Variants in TNR observed in about 807,000 individuals in gnomAD.
TNR encodes the protein tenascin R.
TNR carries 45 observed loss-of-function variants against 150.4 expected under a neutral mutation model. That is an observed-to-expected ratio of 0.30 (90% CI 0.24 to 0.38). TNR has a LOEUF of 0.38. TNR is among the 10% of genes least tolerant of loss of function. TNR has a pLI of 1.00. For missense variants in TNR, 1,544 were observed against 1,759.1 expected (o/e 0.88, Z 2.19); for synonymous variants, 687 against 678.4 (o/e 1.01, Z -0.20).
At chr1:175,539,884 A>C (rs1660435614) in intron 1 of TNR, among the ~76,000 whole-genome samples, 1 of 152,194 alleles carries the variant, frequency 6.6e-6, no homozygotes. Context: ...AACTAGTCTC[A>C]TAAGTTATTG....
At chr1:175,650,678 C>G in intron 1 of TNR, among the ~76,000 whole-genome samples, 1 of 149,022 alleles carries the variant, frequency 6.7e-6, no homozygotes, top group East Asian at 2.0e-4. Context: ...CTGCCTCCAC[C>G]TTATTACTAC....
At chr1:175,655,223 G>GT (rs1237627596) in intron 1 of TNR, among the ~76,000 whole-genome samples, 1 of 152,162 alleles carries the variant, frequency 6.6e-6, no homozygotes, top group Non-Finnish European at 1.5e-5. Context: ...AAATGTTCCA[G>GT]GAGGTAAATA....
chr1:175,532,084 T>G (rs1388007364), intron 1 of TNR, among the ~76,000 whole-genome samples: 1 of 152,260 alleles, frequency 6.6e-6, no homozygotes, highest in Admixed American at 6.5e-5. Context: ...GATTTCAGAC[T>G]TCACAGTAAC....
chr1:175,572,090 C>A (rs1661896582), intron 1 of TNR, among the ~76,000 whole-genome samples: 1 of 152,148 alleles, frequency 6.6e-6, no homozygotes, highest in African/African-American at 2.4e-5. Flanking sequence ...ACCTTCTACA[C>A]CTGGATTGGA....
chr1:175,590,757 G>A (rs1662767606), intron 1 of TNR, among the ~76,000 whole-genome samples: 2 of 152,234 alleles, frequency 1.3e-5, no homozygotes, highest in African/African-American at 4.8e-5. Flanking sequence ...CAACCAGCAA[G>A]GTGAAAAGTG....
At chr1:175,591,321 G>A (rs913722946) in intron 1 of TNR, among the ~76,000 whole-genome samples, 1 of 152,258 alleles carries the variant, frequency 6.6e-6, no homozygotes, top group African/African-American at 2.4e-5. Context: ...CACAGCAAAA[G>A]GTATAAATAA....
chr1:175,430,450 A>T lies in TNR; in HGVS notation c.-63-23673T>A, dbSNP rs117527721. Among the ~76,000 whole-genome samples the T allele has an allele frequency of 2.8e-4, 42 of 152,332 alleles. 1 individual carries two copies. The East Asian group carries it at 7.5e-3, about 27-fold the overall frequency. The stretch of plus-strand genomic sequence containing the variant: ...TATTGCAGGCTAGGAAGATCATTCT[A>T]GTGGTTGAAATCATGCTATGTCCTG... On this transcript the variant is annotated intron_variant, in intron 2 of 22. Transcript: ENST00000367674.
intron 2 of TNR, among the ~76,000 whole-genome samples, chr1:175,480,499 A>T (rs963574675): frequency 1.3e-5 from 2 of 152,164 alleles, no homozygotes; most frequent in Non-Finnish European, 1.5e-5. Flanking sequence ...GTAGAGGTCG[A>T]GTTTGCCCTG....
chr1:175,510,776 G>A (rs1659138127), intron 2 of TNR, among the ~76,000 whole-genome samples: 1 of 151,518 alleles, frequency 6.6e-6, no homozygotes, highest in African/African-American at 2.4e-5. Context: ...TAAAGTATCA[G>A]ATAGTAAATT....
At chr1:175,715,960 G>A (rs775656483) in intron 1 of TNR, among the ~76,000 whole-genome samples, 27 of 152,220 alleles carry the variant, frequency 1.8e-4, no homozygotes, top group Non-Finnish European at 3.1e-4. Context: ...GTCTGAGCAC[G>A]GAGCTATTGA....
intron 1 of TNR, among the ~76,000 whole-genome samples, chr1:175,624,661 C>A (rs1241310748): frequency 1.3e-5 from 2 of 152,158 alleles, no homozygotes; most frequent in East Asian, 1.9e-4. Flanking sequence ...TTTTGCGCTT[C>A]TAGCCTCCAG....
chr1:175,651,541 AT>A (rs1664997217), intron 1 of TNR, among the ~76,000 whole-genome samples: 1 of 152,016 alleles, frequency 6.6e-6, no homozygotes, highest in African/African-American at 2.4e-5. Flanking sequence ...ACTTCAAAAA[AT>A]ATATAAAATA....
intron 2 of TNR, among the ~76,000 whole-genome samples, chr1:175,469,421 G>T (rs1657178017): frequency 6.6e-6 from 1 of 152,156 alleles, no homozygotes; most frequent in Non-Finnish European, 1.5e-5. Context: ...TAGCAAATGG[G>T]TAATTAATGG....
At chr1:175,395,835 T>C (rs1653400739) in intron 5 of TNR, among the ~76,000 whole-genome samples, 1 of 152,246 alleles carries the variant, frequency 6.6e-6, no homozygotes, top group Non-Finnish European at 1.5e-5. Flanking sequence ...TATTTTTCTA[T>C]GCTTGAACAT....
At position 175,511,676 on chromosome 1, in the gene TNR, G is replaced by T. The variant is rs1455800658; in HGVS notation, c.-64+16593C>A. ...ACAGGGATGCTAAGGAAAATAAGAA[G>T]CCCTGCCTGAAAGGGAAGTTAATTT... On this transcript the variant is annotated intron_variant, in intron 2 of 22. Transcript: ENST00000367674. Among the ~76,000 whole-genome samples, 6 of 152,186 alleles carry T rather than the reference G, an allele frequency of 3.9e-5. No homozygotes were observed. The East Asian group carries it at 1.2e-3, about 29-fold the overall frequency.
At chr1:175,529,657 T>G (rs1409583330) in intron 1 of TNR, among the ~76,000 whole-genome samples, 1 of 152,180 alleles carries the variant, frequency 6.6e-6, no homozygotes, top group African/African-American at 2.4e-5. Context: ...ACAGTGTAAT[T>G]TAGATGGTAG....
At chr1:175,383,305 G>A (rs980425083) in intron 8 of TNR, among the ~76,000 whole-genome samples, 1 of 152,190 alleles carries the variant, frequency 6.6e-6, no homozygotes, top group Non-Finnish European at 1.5e-5. Context: ...ACCTATAATA[G>A]CAATAAAGAG....
chr1:175,331,050 T>TTTCTTTCCTTCCTTCCTTCC (rs1649782154), intron 20 of TNR, among the ~76,000 whole-genome samples: 34 of 95,808 alleles, frequency 3.5e-4, no homozygotes, highest in African/African-American at 1.3e-3. Flanking sequence ...TCTTTCTTTC[T>TTTCTTTCCTTCCTTCCTTCC]TTCTTTCTTT....
At chr1:175,706,994 T>A (rs1196963736) in intron 1 of TNR, among the ~76,000 whole-genome samples, 1 of 152,172 alleles carries the variant, frequency 6.6e-6, no homozygotes, top group Non-Finnish European at 1.5e-5. Flanking sequence ...TACGGTGATA[T>A]GACCTCATTG....
Sources: gnomAD v4.1 joint callset for allele counts (sites outside exome capture counted in the v4.1 genomes callset) on GRCh38, gnomAD v4.1.1 for gene constraint, MANE v1.5 for transcripts, NCBI Gene and HGNC (gene_info 2026-07-23, HGNC 2026-07-21) for gene names.